The following IL27RA variants were observed in gnomAD, a reference collection of about 807,000 sequenced individuals.
IL27RA encodes interleukin-27 receptor subunit alpha.
A neutral mutation model predicts 80.8 loss-of-function variants in IL27RA; 61 were observed. The observed-to-expected ratio is 0.76, with a 90% CI of 0.61 to 0.93. The LOEUF is 0.93. IL27RA is among the 40% of genes least tolerant of loss of function. The pLI is 0.00. For synonymous variants in IL27RA, 316 were observed against 332.5 expected (o/e 0.95, Z 0.54); for missense variants, 735 against 808.1 (o/e 0.91, Z 1.10).
At chr19:14,049,367 A>G in intron 10 of IL27RA, 53 bp downstream of exon 10, 2 of 1,568,836 alleles carry the variant, frequency 1.3e-6, no homozygotes, top group Non-Finnish European at 1.7e-6. Flanking sequence ...AGACCCACCC[A>G]TCAGTCAGCC....
rs368916605 is a variant in IL27RA at position 14,046,417 on chromosome 19, C to T, written c.953-13C>T. 14 of 1,614,014 alleles carry T rather than the reference C, an allele frequency of 8.7e-6. No individual in the cohort carries two copies. In the Admixed American group the frequency reaches 1.7e-4, roughly 19 times the overall value. ...TCCTGAGTGGGCAGCTGAGACTTCTCTCCACCCTCCAGATTCAGCCTCTGC... is the reference window on the plus strand; with the variant it reads ...TCCTGAGTGGGCAGCTGAGACTTCTTTCCACCCTCCAGATTCAGCCTCTGC... On this transcript the variant is annotated splice_polypyrimidine_tract_variant and intron_variant, in intron 7 of 13. Coordinates refer to ENST00000263379, the MANE Select transcript of IL27RA (RefSeq NM_004843.4).
chr19:14,040,390 A>G (rs1975972537), intron 4 of IL27RA, among the ~76,000 whole-genome samples: 2 of 151,564 alleles, frequency 1.3e-5, no homozygotes, highest in African/African-American at 4.9e-5. Context: ...TTCTCCTGCC[A>G]AAATAATCTA....
chr19:14,048,700 T>C (rs772474608), intron 8 of IL27RA, among the ~76,000 whole-genome samples: 12 of 152,072 alleles, frequency 7.9e-5, no homozygotes, highest in Non-Finnish European at 1.6e-4. Flanking sequence ...CCCAGCTCCG[T>C]CCCCCTGAGC....
chr19:14,050,370 C>T (rs764802264), intron 10 of IL27RA, among the ~76,000 whole-genome samples: 1 of 151,662 alleles, frequency 6.6e-6, no homozygotes, highest in Non-Finnish European at 1.5e-5. Context: ...GATGTGGTGG[C>T]GGGCACCTGT....
At chr19:14,048,137 T>G (rs1280998657) in intron 8 of IL27RA, among the ~76,000 whole-genome samples, 1 of 151,704 alleles carries the variant, frequency 6.6e-6, no homozygotes, top group African/African-American at 2.4e-5. Context: ...TTTGTATTTT[T>G]TGTAGAGGTG....
At chr19:14,051,132 C>T (rs1976155727) in intron 11 of IL27RA, among the ~76,000 whole-genome samples, 1 of 152,062 alleles carries the variant, frequency 6.6e-6, no homozygotes, top group Non-Finnish European at 1.5e-5. Flanking sequence ...CGCCTGCGGT[C>T]CCAGCTCCTG....
chr19:14,032,157 C>T (rs1275700499), intron 1 of IL27RA, among the ~76,000 whole-genome samples, 185 bp downstream of exon 1: 1 of 152,080 alleles, frequency 6.6e-6, no homozygotes, highest in Non-Finnish European at 1.5e-5. Context: ...GAACCGGAGC[C>T]CCGGGGCGGG....
At position 14,038,753 on chromosome 19, in the gene IL27RA, G is replaced by A. The variant is rs1405832906; in HGVS notation, c.219-755G>A. ...TACAAAACTAGCCGGGAGTGGTGGC[G>A]CATGCCTGTAATTCCAGCCACTAGG... On this transcript the variant is annotated intron_variant, in intron 2 of 13. Transcript: ENST00000263379. Among the ~76,000 whole-genome samples the A allele has an allele frequency of 2.0e-5, 3 of 151,796 alleles. 1 individual carries two copies.
At chr19:14,041,637 C>T (rs997494109) in intron 4 of IL27RA, among the ~76,000 whole-genome samples, 9 of 152,222 alleles carry the variant, frequency 5.9e-5, no homozygotes, top group Non-Finnish European at 1.2e-4. Flanking sequence ...GAAGTTACCA[C>T]TTCCTGCTAT....
Position 14,032,560 on chromosome 19 carries a change from C to T in IL27RA, c.218+57C>T. On this transcript the variant is annotated intron_variant, in intron 2 of 13. Coordinates refer to ENST00000263379, the MANE Select transcript of IL27RA (RefSeq NM_004843.4). Reference sequence around the variant, plus strand: ...GCTTTGGAGGTGGCCGCTCAGGCCCCAGGCTGCTTTGGTTGAAAGGTTCCA... The same window carrying T: ...GCTTTGGAGGTGGCCGCTCAGGCCCTAGGCTGCTTTGGTTGAAAGGTTCCA... 3 of 1,124,094 alleles carry T rather than the reference C, an allele frequency of 2.7e-6. No individual in the cohort carries two copies. The Admixed American group carries it at 5.7e-5, about 22-fold the overall frequency. The allele number at this position is 1,124,094 out of a possible 1,614,324, so 69.6% of individuals were successfully genotyped here.
At chr19:14,042,078 A>G (rs1478157277) in intron 4 of IL27RA, among the ~76,000 whole-genome samples, 1 of 152,110 alleles carries the variant, frequency 6.6e-6, no homozygotes, top group East Asian at 1.9e-4. Flanking sequence ...GCGTGCCTGT[A>G]ATCCCAGCTA....
At chr19:14,037,834 CTTT>C (rs1555764856) in intron 2 of IL27RA, among the ~76,000 whole-genome samples, 1 of 129,418 alleles carries the variant, frequency 7.7e-6, no homozygotes, top group Non-Finnish European at 1.6e-5. Flanking sequence ...CTCTCTCTCT[CTTT>C]TTTTTTTTTT....
rs546708987 is a variant in IL27RA at position 14,052,562 on chromosome 19, G to A, written c.*272G>A. 12 of 376,486 alleles carry A rather than the reference G, an allele frequency of 3.2e-5. No individual in the cohort carries two copies. Among genetic ancestry groups the A allele is most frequent in the African/African-American group, 1.5e-4 (7 of 47,604 alleles). 23.3% of individuals were successfully genotyped at this position (376,486 alleles called of 1,614,324 possible). On this transcript the variant is annotated 3_prime_UTR_variant, in exon 14 of 14. Transcript: ENST00000263379. The stretch of plus-strand genomic sequence containing the variant: ...GCAGCTGCCTGCCAAAATCTGTTCC[G>A]CTGTAACAGAACTGAATTTGGACCC...
At chr19:14,047,601 C>A (rs1976087971) in intron 8 of IL27RA, among the ~76,000 whole-genome samples, 1 of 151,658 alleles carries the variant, frequency 6.6e-6, no homozygotes, top group Non-Finnish European at 1.5e-5. Flanking sequence ...AAGAGATCCA[C>A]CCGCATTGGC....
intron 2 of IL27RA, among the ~76,000 whole-genome samples, chr19:14,032,777 G>T (rs543103118): frequency 2.1e-4 from 29 of 138,392 alleles, no homozygotes; most frequent in Non-Finnish European, 3.3e-4. Context: ...CTGCACTCCA[G>T]CCTGGGGGAC....
intron 8 of IL27RA, among the ~76,000 whole-genome samples, chr19:14,048,449 A>G (rs1005559672): frequency 6.6e-6 from 1 of 152,158 alleles, no homozygotes; most frequent in African/African-American, 2.4e-5. Flanking sequence ...GATAGGGTTT[A>G]GGGGAGAGAG....
rs1427651166 is a variant in IL27RA, at chr19:14,031,773, C to G, written c.-100C>G. ...GGCCTGCCGGGGTGGTTCGGCTTCC[C>G]GTTGCCGCCTCGGGCGCTGTACCCA... On this transcript the variant is annotated 5_prime_UTR_variant, in exon 1 of 14. Transcript: ENST00000263379. 5 of 985,708 alleles carry G rather than the reference C, an allele frequency of 5.1e-6. No homozygotes were observed. The highest frequency in any genetic ancestry group is 4.9e-5 in the South Asian group (3 of 61,074). The allele number at this position is 985,708 out of a possible 1,614,324, so 61.1% of individuals were successfully genotyped here.
rs773492865 is a variant in IL27RA at position 14,050,763 on chromosome 19, G to A, written c.1408G>A (p.Gly470Ser). Residue 470 changes from glycine (G) to serine (S), a missense_variant, in exon 11 of 14, where the codon GGC becomes AGC. Coordinates refer to ENST00000263379, the MANE Select transcript of IL27RA (RefSeq NM_004843.4). Reference protein sequence around the residue: ...TSPSVCMNVSGNTQSVTLPDL... With the variant: ...TSPSVCMNVSSNTQSVTLPDL... ...TCTTTGGTTGTGTTCTCCAGTGAGT[G>A]GCAACACACAGAGTGTCACCCTGCC... The A allele has an allele frequency of 1.2e-6, 2 of 1,611,340 alleles. No homozygotes were observed. Among genetic ancestry groups the A allele is most frequent in the African/African-American group, 1.3e-5 (1 of 74,996 alleles).
At chr19:14,047,488 C>A (rs926661150) in intron 8 of IL27RA, among the ~76,000 whole-genome samples, 5 of 148,700 alleles carry the variant, frequency 3.4e-5, no homozygotes, top group African/African-American at 1.2e-4. Context: ...TGGGGAGTGA[C>A]TGGGATCACA....
Sources: allele counts gnomAD v4.1 joint callset (sites outside exome capture counted in the v4.1 genomes callset), GRCh38; gene constraint gnomAD v4.1.1; transcripts MANE v1.5; gene names NCBI Gene and HGNC (gene_info 2026-07-23, HGNC 2026-07-21).